Variants in SLC5A10 observed in about 807,000 individuals in gnomAD.
SLC5A10 encodes the protein solute carrier family 5 member 10.
SLC5A10 carries 55 observed loss-of-function variants against 68.9 expected under a neutral mutation model. That is an observed-to-expected ratio of 0.80 (90% CI 0.64 to 1.00). SLC5A10 has a LOEUF of 1.00. Among genes scored for constraint, SLC5A10 ranks in the 50% least tolerant of loss-of-function variants. The pLI is 0.00. For missense variants in SLC5A10, 732 were observed against 819.3 expected (o/e 0.89, Z 1.30); for synonymous variants, 344 against 344.8 (o/e 1.00, Z 0.02).
At chr17:18,963,474 C>A (rs1164132237) in intron 5 of SLC5A10, among the ~76,000 whole-genome samples, 4 of 152,266 alleles carry the variant, frequency 2.6e-5, no homozygotes, top group African/African-American at 7.2e-5. Context: ...GCTTCAGAAC[C>A]AACGCTGGGG....
chr17:18,999,695 G>A (rs920792547), intron 9 of SLC5A10, among the ~76,000 whole-genome samples: 11 of 152,190 alleles, frequency 7.2e-5, no homozygotes, highest in East Asian at 1.9e-4. Context: ...GTGTGAAGGC[G>A]GGGGCCTGAC....
Position 19,020,507 on chromosome 17 carries a change from C to A in SLC5A10, c.*76C>A, listed in dbSNP as rs1220419533. The A allele has an allele frequency of 2.2e-6, 3 of 1,395,326 alleles. No homozygotes were observed. The highest frequency in any genetic ancestry group is 1.4e-5 in the African/African-American group (1 of 70,928). 86.4% of individuals were successfully genotyped at this position (1,395,326 alleles called of 1,614,324 possible). ...CATTTCCCTCATGGGGATCCCGAGGCCCCAAGAGGGGCAGATTCCCCTCAC... is the reference window on the plus strand; with the variant it reads ...CATTTCCCTCATGGGGATCCCGAGGACCCAAGAGGGGCAGATTCCCCTCAC... On this transcript the variant is annotated 3_prime_UTR_variant, in exon 15 of 15. Coordinates refer to ENST00000395645, the MANE Select transcript of SLC5A10 (RefSeq NM_001042450.4).
Position 19,020,647 on chromosome 17 carries a change from C to A in SLC5A10, c.*216C>A. 1.7e-6 allele frequency: 1 copy of A among 581,232 alleles called. No homozygotes were observed. Among genetic ancestry groups the A allele is most frequent in the Non-Finnish European group, 3.1e-6 (1 of 325,226 alleles). 36.0% of individuals were successfully genotyped at this position (581,232 alleles called of 1,614,324 possible). ...TGACATTTCAAAAACAGCACCAAAG[C>A]AGTCAGCATTGGAAGGAAAATTAGA... On this transcript the variant is annotated 3_prime_UTR_variant, in exon 15 of 15. Transcript: ENST00000395645.
chr17:19,009,150 G>A (rs2152148110), intron 9 of SLC5A10, among the ~76,000 whole-genome samples: 1 of 152,126 alleles, frequency 6.6e-6, no homozygotes, highest in South Asian at 2.1e-4. Flanking sequence ...AGATCTTACA[G>A]CAAGGGATTG....
chr17:19,020,312 CA>C lies in SLC5A10; in HGVS notation c.1685-11del. 1.2e-6 allele frequency: 2 copies of C among 1,614,030 alleles called. No homozygotes were observed. Among genetic ancestry groups the C allele is most frequent in the Non-Finnish European group, 8.5e-7 (1 of 1,179,892 alleles). ...TCCTTCATCTGTCCCTCTCCTTCTG[CA>C]ACCCCCTCCAGGTGATGGCCAAACA... On this transcript the variant is annotated splice_polypyrimidine_tract_variant and intron_variant, in intron 14 of 14. Coordinates refer to ENST00000395645, the MANE Select transcript of SLC5A10 (RefSeq NM_001042450.4).
upstream of SLC5A10, among the ~76,000 whole-genome samples, chr17:18,951,402 C>A (rs765308799): frequency 3.3e-5 from 5 of 152,282 alleles, no homozygotes; most frequent in Non-Finnish European, 5.9e-5. Context: ...GCCTACTCTG[C>A]GTGGCTGCTG....
intron 11 of SLC5A10, among the ~76,000 whole-genome samples, 171 bp downstream of exon 11, chr17:19,015,370 T>G (rs1021235020): frequency 6.6e-6 from 1 of 152,156 alleles, no homozygotes; most frequent in Non-Finnish European, 1.5e-5. Context: ...ATTGCTCTCC[T>G]GTCCACCTCT....
In SLC5A10 at chr17:19,011,601, T is replaced by A. The variant is rs1384643648; in HGVS notation, c.983-1809T>A. Reference sequence around the variant, plus strand: ...AGTGTGGAGAGGATGGACAGGAGGCTGGGGAGGAGCATGGGATTGGGCAGG... The same window carrying A: ...AGTGTGGAGAGGATGGACAGGAGGCAGGGGAGGAGCATGGGATTGGGCAGG... On this transcript the variant is annotated intron_variant, in intron 9 of 14. Coordinates refer to ENST00000395645, the MANE Select transcript of SLC5A10 (RefSeq NM_001042450.4). Among the ~76,000 whole-genome samples the A allele has an allele frequency of 1.3e-5, 2 of 148,646 alleles. 1 individual carries two copies. Among genetic ancestry groups the A allele is most frequent in the East Asian group, 4.0e-4 (2 of 5,002 alleles).
rs2043153987 is a variant in SLC5A10, at chr17:18,982,155, G to A, written c.982+5166G>A. Among the ~76,000 whole-genome samples the A allele has an allele frequency of 2.6e-5, 4 of 152,242 alleles. No homozygotes were observed. The South Asian group carries it at 8.3e-4, about 32-fold the overall frequency. ...AGCCGCAGGCCTCGGCTGGGCCGCT[G>A]ACTCGCTGTGACTCGAAGCAAGTCC... On this transcript the variant is annotated intron_variant, in intron 9 of 14. Coordinates refer to ENST00000395645, the MANE Select transcript of SLC5A10 (RefSeq NM_001042450.4).
Position 19,003,528 on chromosome 17 carries a change from C to T in SLC5A10, c.983-9882C>T. The stretch of plus-strand genomic sequence containing the variant: ...TCCCCGCGCTGCCTCACCTTCTGTG[C>T]CTGGCTGATCATCTTCCGCACCACC... On this transcript the variant is annotated intron_variant, in intron 9 of 14. Transcript: ENST00000395645. This position sits in a 1 kb window ranked among gnomAD's most constrained non-coding sequence, Gnocchi z 4.5. The T allele has an allele frequency of 6.5e-7, 1 of 1,535,530 alleles. No individual in the cohort carries two copies. Among genetic ancestry groups the T allele is most frequent in the Non-Finnish European group, 8.8e-7 (1 of 1,140,268 alleles).
chr17:18,990,840 A>G (rs1842962226), intron 9 of SLC5A10, among the ~76,000 whole-genome samples: 1 of 152,156 alleles, frequency 6.6e-6, no homozygotes, highest in South Asian at 2.1e-4. Flanking sequence ...CTGTCCATGG[A>G]GCCACAAAGG....
intron 9 of SLC5A10, chr17:18,978,907 C>G: frequency 6.3e-7 from 1 of 1,577,300 alleles, no homozygotes; most frequent in Non-Finnish European, 8.6e-7. Context: ...CTCCGCCCAG[C>G]CCCCGTGCAC....
At position 19,009,329 on chromosome 17, in the gene SLC5A10, C is replaced by A. The variant is rs1470490573; in HGVS notation, c.983-4081C>A. 9.9e-5 allele frequency among the ~76,000 whole-genome samples: 15 copies of A among 152,114 alleles called. No individual in the cohort carries two copies. In the South Asian group the frequency reaches 2.7e-3, roughly 27 times the overall value. ...ACCTCAGCCTCCCGAATAGCTGAGA[C>A]TACAGGCACGAACCACCACGCTAAT... is the stretch of plus-strand genomic sequence containing the variant. On this transcript the variant is annotated intron_variant, in intron 9 of 14. Coordinates refer to ENST00000395645, the MANE Select transcript of SLC5A10 (RefSeq NM_001042450.4).
chr17:18,968,363 G>A lies in SLC5A10; in HGVS notation c.454-689G>A, dbSNP rs1041233797. On this transcript the variant is annotated intron_variant, in intron 5 of 14. Transcript: ENST00000395645. The surrounding 1 kb of genome is among the most constrained non-coding windows in gnomAD (Gnocchi z 4.1). ...ACAGGGTCCTGCCCTTCCTCTCACTGGGCCCCTACTGCCAGGTGGAGGGTG... is the reference window on the plus strand; with the variant it reads ...ACAGGGTCCTGCCCTTCCTCTCACTAGGCCCCTACTGCCAGGTGGAGGGTG... 1.3e-5 allele frequency among the ~76,000 whole-genome samples: 2 copies of A among 152,202 alleles called. No individual in the cohort carries two copies. Among genetic ancestry groups the A allele is most frequent in the African/African-American group, 4.8e-5 (2 of 41,444 alleles).
intron 9 of SLC5A10, among the ~76,000 whole-genome samples, chr17:18,990,233 G>A (rs1299396416): frequency 6.6e-6 from 1 of 152,184 alleles, no homozygotes; most frequent in East Asian, 1.9e-4. Context: ...GTTCAAGGAA[G>A]GCCAGAGACT....
Position 19,013,926 on chromosome 17 carries a change from C to T in SLC5A10, c.1090+409C>T, listed in dbSNP as rs981535615. On this transcript the variant is annotated intron_variant, in intron 10 of 14. Coordinates refer to ENST00000395645, the MANE Select transcript of SLC5A10 (RefSeq NM_001042450.4). The stretch of plus-strand genomic sequence containing the variant: ...TGGAATAAGCTCCAAGTTCATCCAT[C>T]TCCATGAGCAAGACAAGGGAGTGGG... Among the ~76,000 whole-genome samples, 17 of 152,284 alleles carry T rather than the reference C, an allele frequency of 1.1e-4. 2 individuals are homozygous for T. Among genetic ancestry groups the T allele is most frequent in the Admixed American group, 7.8e-4 (12 of 15,308 alleles).
Position 18,959,153 on chromosome 17 carries a change from G to A in SLC5A10, c.202G>A (p.Ala68Thr), listed in dbSNP as rs201103784. 1.3e-4 allele frequency: 215 copies of A among 1,611,786 alleles called. No homozygotes were observed. The highest frequency in any genetic ancestry group is 2.7e-5 in the African/African-American group (2 of 75,020). Residue 68 changes from alanine to threonine, a missense_variant, in exon 3 of 15, where the codon GCC (alanine) becomes ACC (threonine). Transcript: ENST00000395645. Reference protein sequence around the residue: ...TWWPIGASLFASSEGSGLFIG... With the variant: ...TWWPIGASLFTSSEGSGLFIG... ...CCTCCAGATTGGAGCCTCCCTCTTCGCCAGCAGCGAGGGCTCTGGCCTCTT... is the reference window on the plus strand; with the variant it reads ...CCTCCAGATTGGAGCCTCCCTCTTCACCAGCAGCGAGGGCTCTGGCCTCTT...
chr17:18,958,612 C>T, intron 1 of SLC5A10, 70 bp from the exon 2 acceptor site: 1 of 1,393,916 alleles, frequency 7.2e-7, no homozygotes, highest in Non-Finnish European at 1.0e-6. Context: ...AGCTGCCAAG[C>T]CGTTTCCCAT....
At chr17:19,002,930 C>T (rs1022098304) in intron 9 of SLC5A10, among the ~76,000 whole-genome samples, 2 of 152,166 alleles carry the variant, frequency 1.3e-5, no homozygotes, top group Non-Finnish European at 2.9e-5. Context: ...CCACACCTCC[C>T]TCACCCAAGC....
Sources: gnomAD v4.1 joint callset for allele counts (sites outside exome capture counted in the v4.1 genomes callset) on GRCh38, gnomAD v4.1.1 for gene constraint, Gnocchi (gnomAD v3.1) non-coding constraint, MANE v1.5 for transcripts, NCBI Gene and HGNC (gene_info 2026-07-23, HGNC 2026-07-21) for gene names.